Variants in KIAA0825 observed in about 807,000 individuals in gnomAD.
KIAA0825 encodes uncharacterized protein KIAA0825.
KIAA0825 carries 119 observed loss-of-function variants against 147.6 expected under a neutral mutation model. That is an observed-to-expected ratio of 0.81 (90% CI 0.69 to 0.94). The LOEUF is 0.94. Among genes scored for constraint, KIAA0825 ranks in the 40% least tolerant of loss-of-function variants. KIAA0825 has a pLI of 0.00. For missense variants in KIAA0825, 1,381 were observed against 1,472.7 expected, an observed-to-expected ratio of 0.94 and a Z score of 1.02; for synonymous variants, 470 against 518.1, an observed-to-expected ratio of 0.91 and a Z score of 1.26.
intron 20 of KIAA0825, among the ~76,000 whole-genome samples, chr5:94,330,011 A>T (rs1454725099): frequency 6.6e-6 from 1 of 151,802 alleles, no homozygotes; most frequent in East Asian, 1.9e-4. Context: ...TTAATGTTTG[A>T]TAGCAAAGTA....
intron 20 of KIAA0825, among the ~76,000 whole-genome samples, chr5:94,156,206 C>G (rs1211114617): frequency 6.6e-6 from 1 of 152,136 alleles, no homozygotes; most frequent in Non-Finnish European, 1.5e-5. Flanking sequence ...TGTATTTGAA[C>G]TCAGAGAGTC....
At chr5:94,380,140 A>G (rs1360990267) in intron 20 of KIAA0825, among the ~76,000 whole-genome samples, 1 of 152,158 alleles carries the variant, frequency 6.6e-6, no homozygotes, top group Non-Finnish European at 1.5e-5. Context: ...GGCGTGAGCC[A>G]CCGTGCCTGG....
chr5:94,418,345 G>A (rs1753732944), intron 14 of KIAA0825, among the ~76,000 whole-genome samples: 1 of 152,072 alleles, frequency 6.6e-6, no homozygotes, highest in South Asian at 2.1e-4. Context: ...GACTTTATGT[G>A]GAGAACATTA....
At chr5:94,214,822 CTACG>C (rs2150051280) in intron 20 of KIAA0825, among the ~76,000 whole-genome samples, 1 of 152,318 alleles carries the variant, frequency 6.6e-6, no homozygotes, top group South Asian at 2.1e-4. Flanking sequence ...ACTCTTTTCT[CTACG>C]TTCATGTGAG....
chr5:94,235,196 C>A (rs1056402414), intron 20 of KIAA0825, among the ~76,000 whole-genome samples: 1 of 152,182 alleles, frequency 6.6e-6, no homozygotes, highest in Non-Finnish European at 1.5e-5. Flanking sequence ...AGGCCTCTTG[C>A]ACCAGGCAGG....
At chr5:94,293,039 T>G (rs1159736512) in intron 20 of KIAA0825, among the ~76,000 whole-genome samples, 5 of 144,852 alleles carry the variant, frequency 3.5e-5, no homozygotes, top group Admixed American at 6.9e-5. Context: ...TCTGTCTATT[T>G]TGTTAATCTT....
chr5:94,171,941 C>CA (rs1768657019), intron 20 of KIAA0825, among the ~76,000 whole-genome samples: 2 of 151,762 alleles, frequency 1.3e-5, no homozygotes, highest in African/African-American at 4.8e-5. Context: ...GAGAAAAAAA[C>CA]AAAAAAGATA....
intron 20 of KIAA0825, among the ~76,000 whole-genome samples, chr5:94,279,510 T>C (rs1777367205): frequency 6.6e-6 from 1 of 152,096 alleles, no homozygotes; most frequent in African/African-American, 2.4e-5. Context: ...ATCTTAAAAA[T>C]CAGGGTGGAC....
At chr5:94,305,083 A>G (rs1242032050) in intron 20 of KIAA0825, among the ~76,000 whole-genome samples, 1 of 152,044 alleles carries the variant, frequency 6.6e-6, no homozygotes, top group African/African-American at 2.4e-5. Flanking sequence ...ATTTAGATTA[A>G]TGGAAACAGA....
intron 6 of KIAA0825, among the ~76,000 whole-genome samples, chr5:94,482,778 C>T (rs1247567125): frequency 6.6e-6 from 1 of 152,006 alleles, no homozygotes; most frequent in Non-Finnish European, 1.5e-5. Flanking sequence ...TGAATTTCAA[C>T]AAAGAAGACT....
At chr5:94,416,576 A>T (rs887599908) in intron 15 of KIAA0825, 2 of 152,226 alleles carry the variant, frequency 1.3e-5, no homozygotes, top group Non-Finnish European at 2.9e-5. Context: ...TATTAAGGAT[A>T]AGACAATGTG....
chr5:94,239,371 G>A (rs1035614619), intron 20 of KIAA0825, among the ~76,000 whole-genome samples: 10 of 152,100 alleles, frequency 6.6e-5, no homozygotes, highest in African/African-American at 2.4e-4. Context: ...GTATTTTAAG[G>A]CAGTCTTACA....
At chr5:94,273,235 C>T (rs1338851050) in intron 20 of KIAA0825, among the ~76,000 whole-genome samples, 1 of 152,130 alleles carries the variant, frequency 6.6e-6, no homozygotes, top group Non-Finnish European at 1.5e-5. Context: ...GTTGTTACTA[C>T]AGTGCCTTGC....
chr5:94,594,310 G>C, intron 1 of KIAA0825: 1 of 658,736 alleles, frequency 1.5e-6, no homozygotes, highest in South Asian at 1.4e-5. Flanking sequence ...GACTGCTTCT[G>C]TCAGCAATAT....
At chr5:94,187,412 T>G (rs1331981276) in intron 20 of KIAA0825, among the ~76,000 whole-genome samples, 5 of 149,474 alleles carry the variant, frequency 3.3e-5, no homozygotes, top group South Asian at 4.3e-4. Flanking sequence ...GTTTTTTTTT[T>G]TTTTTTTTTT....
Position 94,384,356 on chromosome 5 carries a change from C to T in KIAA0825, c.3710+12G>A, listed in dbSNP as rs1471660407. ...CCCTCAACCAGACCCCCAAGGTCCC[C>T]AATTTTATTACCTGTTTTTGAGCAG... On this transcript the variant is annotated intron_variant, in intron 20 of 20. Coordinates refer to ENST00000682413, the MANE Select transcript of KIAA0825 (RefSeq NM_001145678.3). 6.4e-7 allele frequency: 1 copy of T among 1,550,484 alleles called. No individual in the cohort carries two copies. The highest frequency in any genetic ancestry group is 8.7e-7 in the Non-Finnish European group (1 of 1,145,852).
At chr5:94,600,834 T>C (rs1786275868) in intron 1 of KIAA0825, among the ~76,000 whole-genome samples, 1 of 152,184 alleles carries the variant, frequency 6.6e-6, no homozygotes. Context: ...GGGTCCCCAA[T>C]CTGTTTCTCC....
chr5:94,278,142 T>C (rs1315997147), intron 20 of KIAA0825, among the ~76,000 whole-genome samples: 1 of 151,942 alleles, frequency 6.6e-6, no homozygotes, highest in African/African-American at 2.4e-5. Flanking sequence ...GGGAGAGCAT[T>C]AGGACAAATA....
chr5:94,555,602 C>T (rs1297849109), intron 2 of KIAA0825, among the ~76,000 whole-genome samples: 1 of 152,104 alleles, frequency 6.6e-6, no homozygotes, highest in Non-Finnish European at 1.5e-5. Flanking sequence ...ACTATTGTAG[C>T]TTGACAAGCA....
Sources: gnomAD v4.1 joint callset for allele counts (sites outside exome capture counted in the v4.1 genomes callset) on GRCh38, gnomAD v4.1.1 for gene constraint, MANE v1.5 for transcripts, NCBI Gene and HGNC (gene_info 2026-07-23, HGNC 2026-07-21) for gene names.